Variants in NEB observed in about 807,000 individuals in gnomAD.
NEB encodes the protein nemaline myopathy type 2.
NEB carries 512 observed loss-of-function variants against 952.2 expected under a neutral mutation model. The ratio of observed to expected loss-of-function variants is 0.54; its 90% CI spans 0.50 to 0.58. The LOEUF (loss-of-function observed/expected upper bound fraction) is 0.58. Ranked by LOEUF, NEB falls within the 20% of genes least tolerant of loss-of-function variation. The pLI is 0.00. For synonymous variants in NEB, 2,900 were observed against 3,149.8 expected (o/e 0.92, Z 2.66); for missense variants, 8,428 against 9,231.1 (o/e 0.91, Z 3.56).
intron 153 of NEB, among the ~76,000 whole-genome samples, chr2:151,521,188 C>T (rs141782215): frequency 5.9e-5 from 9 of 152,272 alleles, no homozygotes; most frequent in African/African-American, 1.9e-4. Context: ...TCCAGCACAA[C>T]AGACACAAAA....
At chr2:151,667,021 G>A (rs1395626789) in intron 40 of NEB, among the ~76,000 whole-genome samples, 1 of 150,614 alleles carries the variant, frequency 6.6e-6, no homozygotes, top group Non-Finnish European at 1.5e-5. Flanking sequence ...ATTCATATAG[G>A]AATATAACTT....
At chr2:151,497,384 T>C in intron 171 of NEB, 1 of 980,194 alleles carries the variant, frequency 1.0e-6, no homozygotes, top group Non-Finnish European at 1.2e-6. Context: ...ACTGAAAAAC[T>C]CATTATTTTA....
chr2:151,627,250 A>T, intron 69 of NEB, 45 bp from the exon 70 acceptor site: 1 of 1,570,774 alleles, frequency 6.4e-7, no homozygotes, highest in South Asian at 1.2e-5. Context: ...AAGTTGTTTT[A>T]ACATGATTTC....
rs931107810 is a variant in NEB, at chr2:151,547,550, A to T, written c.20263-17T>A. On this transcript the variant is annotated splice_polypyrimidine_tract_variant and intron_variant, in intron 132 of 181. Transcript: ENST00000397345. Reference sequence around the variant, plus strand: ...GTAGATCAACTAAAGAAAAAAAAATACCCCAAAACATATGTATTAGAGACC... The same window carrying T: ...GTAGATCAACTAAAGAAAAAAAAATTCCCCAAAACATATGTATTAGAGACC... 1.3e-6 allele frequency: 2 copies of T among 1,590,506 alleles called. No individual in the cohort carries two copies. Among genetic ancestry groups the T allele is most frequent in the Admixed American group, 1.7e-5 (1 of 57,814 alleles).
chr2:151,730,611 T>C (rs1429988775), intron 3 of NEB, among the ~76,000 whole-genome samples: 1 of 140,928 alleles, frequency 7.1e-6, no homozygotes, highest in Non-Finnish European at 1.5e-5. Flanking sequence ...GGCTCATTTC[T>C]TAGTGAAAAA....
At chr2:151,560,467 A>G in intron 124 of NEB, 125 bp downstream of exon 124, 1 of 743,306 alleles carries the variant, frequency 1.3e-6, no homozygotes. Flanking sequence ...TATTTCCTGG[A>G]CATGCCCACG....
At chr2:151,558,531 G>A (rs1406249165) in intron 124 of NEB, among the ~76,000 whole-genome samples, 1 of 151,958 alleles carries the variant, frequency 6.6e-6, no homozygotes. Flanking sequence ...GAGGCATTAC[G>A]CTATCTGACT....
chr2:151,618,037 G>C (rs938633672), intron 74 of NEB, among the ~76,000 whole-genome samples: 2 of 152,072 alleles, frequency 1.3e-5, no homozygotes, highest in African/African-American at 4.8e-5. Context: ...TCCAGCCTGG[G>C]CGACGAGAAC....
intron 46 of NEB, among the ~76,000 whole-genome samples, chr2:151,660,855 A>G (rs1420579083): frequency 6.6e-6 from 1 of 152,252 alleles, no homozygotes; most frequent in Admixed American, 6.5e-5. Context: ...AATGTTCTGC[A>G]TAATCCAATA....
In NEB at chr2:151,684,792, C is replaced by T. The variant is rs2099479106; in HGVS notation, c.2821G>A (p.Ala941Thr). 9 of 1,608,168 alleles carry T rather than the reference C, an allele frequency of 5.6e-6. No homozygotes were observed. Among genetic ancestry groups the T allele is most frequent in the Non-Finnish European group, 6.8e-6 (8 of 1,176,766 alleles). ...INVDLAKKAY[A>T]LQSDVEYKAD... ...TGGTTACTCACATCGCTCTGCAGCGCATATGCCTTCTTGGCAAGGTCCACA... is the reference window on the plus strand; with the variant it reads ...TGGTTACTCACATCGCTCTGCAGCGTATATGCCTTCTTGGCAAGGTCCACA... Residue 941 changes from alanine to threonine, a missense_variant, in exon 28 of 182, where the codon GCG (alanine) becomes ACG (threonine). Coordinates refer to ENST00000397345, the MANE Select transcript of NEB (RefSeq NM_001164508.2).
chr2:151,489,849 AAG>A (rs1200085792), intron 181 of NEB, 120 bp downstream of exon 181: 12 of 596,332 alleles, frequency 2.0e-5, no homozygotes, highest in Admixed American at 1.4e-4. Context: ...CATGTAATAA[AAG>A]AGCATTATAT....
intron 71 of NEB, among the ~76,000 whole-genome samples, chr2:151,621,612 T>C (rs2098418092): frequency 6.6e-6 from 1 of 152,254 alleles, no homozygotes; most frequent in Non-Finnish European, 1.5e-5. Context: ...TGACTTCTTC[T>C]GTGAATTGAG....
chr2:151,622,049 G>A (rs911618139), intron 71 of NEB, among the ~76,000 whole-genome samples: 30 of 152,088 alleles, frequency 2.0e-4, no homozygotes, highest in African/African-American at 6.7e-4. Flanking sequence ...TCACTCTGTC[G>A]CCCAGGCTGG....
chr2:151,646,099 CT>C, intron 55 of NEB, 30 bp downstream of exon 55: 1 of 1,476,368 alleles, frequency 6.8e-7, no homozygotes, highest in Middle Eastern at 1.7e-4. Context: ...AATGAGCTTT[CT>C]GAAAACACAT....
Position 151,642,834 on chromosome 2 carries a change from G to T in NEB, c.8196C>A (p.Thr2732=). The T allele has an allele frequency of 1.2e-6, 2 of 1,612,662 alleles. No homozygotes were observed. Among genetic ancestry groups the T allele is most frequent in the Non-Finnish European group, 1.7e-6 (2 of 1,179,192 alleles). The change falls in exon 59 of 182, where the codon ACC becomes ACA. Residue 2732 remains threonine (T), a synonymous_variant. Coordinates refer to ENST00000397345, the MANE Select transcript of NEB (RefSeq NM_001164508.2). ...GGGTATCTGGCATAATGTGGACAGTGGTTTTATCTTTATCCCAAGCTTCTG... is the reference window on the plus strand; with the variant it reads ...GGGTATCTGGCATAATGTGGACAGTTGTTTTATCTTTATCCCAAGCTTCTG... ...LYTEAWDKDK[T]TVHIMPDTPE...
intron 24 of NEB, 122 bp downstream of exon 24, chr2:151,690,605 C>T: frequency 1.3e-6 from 1 of 777,928 alleles, no homozygotes; most frequent in East Asian, 2.8e-5. Context: ...TTAAACAAAT[C>T]TTGAAAAATA....
rs200112795 is a variant in NEB at position 151,531,895 on chromosome 2, A to T, written c.21419T>A (p.Ile7140Asn). 2 of 1,540,866 alleles carry T rather than the reference A, an allele frequency of 1.3e-6. No individual in the cohort carries two copies. The highest frequency in any genetic ancestry group is 1.5e-5 in the African/African-American group (1 of 67,846). ...ALYNSHMWSQ[I>N]KYRKNYEKSK... Reference sequence around the variant, plus strand: ...TTTTTCATAGTTTTTCCTGTATTTGATCTAAATTGTGGAAGAGAAGAAAGA... The same window carrying T: ...TTTTTCATAGTTTTTCCTGTATTTGTTCTAAATTGTGGAAGAGAAGAAAGA... Residue 7140 changes from isoleucine (I) to asparagine (N), a missense_variant and splice_region_variant, in exon 144 of 182, where the codon ATC becomes AAC. Ile to Asn is a moderately radical substitution (Grantham distance 149). This residue lies in a region of NEB where 3,374 missense variants were observed against 3,651.5 expected (regional missense o/e 0.92). Coordinates refer to ENST00000397345, the MANE Select transcript of NEB (RefSeq NM_001164508.2).
chr2:151,691,127 G>T (rs2099546667), intron 23 of NEB, among the ~76,000 whole-genome samples: 1 of 152,070 alleles, frequency 6.6e-6, no homozygotes, highest in Admixed American at 6.6e-5. Context: ...CTGCACGTTG[G>T]CTTATGATCC....
At position 151,640,347 on chromosome 2, in the gene NEB, G is replaced by A; in HGVS notation, c.8685+8C>T. ...CCTCTGCACGTTATTATGACTCTCA[G>A]TACTCACATCGCTCTGGAGGTCATA... On this transcript the variant is annotated splice_region_variant and intron_variant, in intron 61 of 181. Transcript: ENST00000397345. 2.5e-6 allele frequency: 4 copies of A among 1,612,472 alleles called. No homozygotes were observed. The highest frequency in any genetic ancestry group is 2.5e-6 in the Non-Finnish European group (3 of 1,178,640).
Sources: gnomAD v4.1 joint callset for allele counts (sites outside exome capture counted in the v4.1 genomes callset) on GRCh38, gnomAD v4.1.1 for gene constraint, gnomAD v4.1.1 regional missense constraint, MANE v1.5 for transcripts, NCBI Gene and HGNC (gene_info 2026-07-23, HGNC 2026-07-21) for gene names.